Variants in RPLP0 observed in about 807,000 individuals in gnomAD.
RPLP0 encodes large ribosomal subunit protein uL10.
For missense variants in RPLP0, 276 were observed against 402.9 expected, an observed-to-expected ratio of 0.69 and a Z score of 2.70; for synonymous variants, 137 against 153.4, an observed-to-expected ratio of 0.89 and a Z score of 0.79.
At position 120,200,831 on chromosome 12, in the gene RPLP0, A is replaced by G. The variant is rs1879425543; in HGVS notation, c.-48T>C. On this transcript the variant is annotated splice_region_variant and 5_prime_UTR_variant, in exon 2 of 8. Transcript: ENST00000392514. ...CCACGCAGGGTTTAAAGACGATGTC[A>G]CTGAGGAGAGACAGGGAGCTCAGGC... 10 of 1,597,912 alleles carry G rather than the reference A, an allele frequency of 6.3e-6. No individual in the cohort carries two copies. The East Asian group carries it at 2.3e-4, about 36-fold the overall frequency.
chr12:120,200,377 C>A (rs1013151194), intron 2 of RPLP0: 7 of 323,224 alleles, frequency 2.2e-5, no homozygotes, highest in African/African-American at 1.5e-4. Flanking sequence ...GCAGGAGAAT[C>A]GCTTGAACCT....
At position 120,199,809 on chromosome 12, in the gene RPLP0, T is replaced by A. The variant is rs537995877; in HGVS notation, c.55-324A>T. ...TAAAAAAGGAATGTTCCAAGTAAGT[T>A]GGTCAAGAGGAGGGCTAGATTCACA... On this transcript the variant is annotated intron_variant, in intron 2 of 7. Transcript: ENST00000392514. 6 of 359,518 alleles carry A rather than the reference T, an allele frequency of 1.7e-5. No homozygotes were observed. The East Asian group carries it at 4.3e-4, about 26-fold the overall frequency. The allele number at this position is 359,518 out of a possible 1,614,324, so 22.3% of individuals were successfully genotyped here. A position where few individuals can be genotyped will look rare whatever the true frequency, so the allele number is the denominator to read the frequency against.
At position 120,198,640 on chromosome 12, in the gene RPLP0, T is replaced by A. The variant is rs1459697103; in HGVS notation, c.565A>T (p.Ile189Phe). Residue 189 changes from isoleucine to phenylalanine, a missense_variant, in exon 6 of 8, where the codon ATC becomes TTC. Ile to Phe is a conservative substitution (Grantham distance 21). Coordinates refer to ENST00000392514, the MANE Select transcript of RPLP0 (RefSeq NM_001002.4). This position sits in a 1 kb window ranked among gnomAD's most constrained non-coding sequence, Gnocchi z 4.1. ...CTGCCATTGTCGAACACCTGCTGGA[T>A]GACCAGCCCAAAGGAGAAGGGGGAG... The part of the protein sequence containing the change: ...NISPFSFGLV[I>F]QQVFDNGSIY... 1 of 1,614,090 alleles carries A rather than the reference T, an allele frequency of 6.2e-7. No individual in the cohort carries two copies. The highest frequency in any genetic ancestry group is 8.5e-7 in the Non-Finnish European group (1 of 1,180,028).
chr12:120,200,202 C>CA, intron 2 of RPLP0: 2 of 434,470 alleles, frequency 4.6e-6, no homozygotes, highest in Non-Finnish European at 9.3e-6. Flanking sequence ...CGGTGGCTCA[C>CA]ACCTGTAATC....
chr12:120,200,129 T>A (rs1879365184), intron 2 of RPLP0: 3 of 455,910 alleles, frequency 6.6e-6, no homozygotes, highest in South Asian at 4.6e-5. Flanking sequence ...TTCCTTACAA[T>A]GAGTCATTCC....
chr12:120,199,623 C>G (rs764298265), intron 2 of RPLP0, 138 bp from the exon 3 acceptor site: 4 of 867,734 alleles, frequency 4.6e-6, no homozygotes, highest in Admixed American at 5.2e-5. Flanking sequence ...AGATTGGGAG[C>G]TACGTTGTAA....
At chr12:120,200,393 G>A in intron 2 of RPLP0, 1 of 332,220 alleles carries the variant, frequency 3.0e-6, no homozygotes, top group South Asian at 2.6e-5. Flanking sequence ...AACCTGGGAA[G>A]CGGAGGTTGC....
intron 1 of RPLP0, 121 bp from the exon 2 acceptor site, chr12:120,200,952 C>G: frequency 7.9e-7 from 1 of 1,268,704 alleles, no homozygotes; most frequent in Non-Finnish European, 1.0e-6. Flanking sequence ...CGGCCGTCAT[C>G]TCGGGGCGTG....
In RPLP0 at chr12:120,198,878, G is replaced by A. The variant is rs781211506; in HGVS notation, c.441C>T (p.Ile147=). The change falls in exon 5 of 8, where the codon ATC becomes ATT. Residue 147 remains isoleucine (I), a synonymous_variant. Transcript: ENST00000392514. This position sits in a 1 kb window ranked among gnomAD's most constrained non-coding sequence, Gnocchi z 4.1. ...FFQALGITTK[I]SRGTIEILSD... is the part of the protein sequence containing the mutation. Reference sequence around the variant, plus strand: ...CCAGGATTTCAATGGTGCCCCTGGAGATTTTAGTGGTGATACCTAAAGCCT... The same window carrying A: ...CCAGGATTTCAATGGTGCCCCTGGAAATTTTAGTGGTGATACCTAAAGCCT... 1 of 1,614,144 alleles carries A rather than the reference G, an allele frequency of 6.2e-7. No homozygotes were observed. Among genetic ancestry groups the A allele is most frequent in the Non-Finnish European group, 8.5e-7 (1 of 1,179,972 alleles).
At chr12:120,200,246 T>C in intron 2 of RPLP0, 1 of 381,358 alleles carries the variant, frequency 2.6e-6, no homozygotes, top group Non-Finnish European at 5.2e-6. Flanking sequence ...AGGTGGATCA[T>C]GAAGTCAAGA....
At chr12:120,197,968 A>G (rs1879248034) in intron 6 of RPLP0, among the ~76,000 whole-genome samples, 2 of 152,034 alleles carry the variant, frequency 1.3e-5, no homozygotes, top group Admixed American at 6.6e-5. Flanking sequence ...TCACTCTGTC[A>G]CTCAGGCCGG....
chr12:120,199,395 C>G lies in RPLP0; in HGVS notation c.145G>C (p.Gly49Arg), dbSNP rs12580544. ...TTGCCCATCAGCACCACAGCCTTCC[C>G]GCGAAGGGACATGCGGATCTGCTGC... ...QMQQIRMSLR[G>R]KAVVLMGKNT... Residue 49 changes from glycine (G) to arginine (R), a missense_variant, in exon 3 of 8, where the codon GGG becomes CGG. Coordinates refer to ENST00000392514, the MANE Select transcript of RPLP0 (RefSeq NM_001002.4). 6.2e-7 allele frequency: 1 copy of G among 1,614,140 alleles called. No individual in the cohort carries two copies. Among genetic ancestry groups the G allele is most frequent in the Non-Finnish European group, 8.5e-7 (1 of 1,180,034 alleles).
chr12:120,197,916 T>C (rs981022305), intron 6 of RPLP0: 3 of 161,010 alleles, frequency 1.9e-5, no homozygotes, highest in Non-Finnish European at 2.7e-5. Context: ...ATCACTATTA[T>C]TCATTATTTA....
Position 120,201,089 on chromosome 12 carries a change from C to A in RPLP0, c.-55G>T. 2.7e-6 allele frequency: 1 copy of A among 364,388 alleles called. No homozygotes were observed. Among genetic ancestry groups the A allele is most frequent in the East Asian group, 4.4e-5 (1 of 22,654 alleles). 22.6% of individuals were successfully genotyped at this position (364,388 alleles called of 1,614,324 possible). ...ATCTAACTAGCACACGAACCTTCCACGAGGACGCCTGGCGAGAGAAGGGCC... is the reference window on the plus strand; with the variant it reads ...ATCTAACTAGCACACGAACCTTCCAAGAGGACGCCTGGCGAGAGAAGGGCC... On this transcript the variant is annotated 5_prime_UTR_variant, in exon 1 of 8. Coordinates refer to ENST00000392514, the MANE Select transcript of RPLP0 (RefSeq NM_001002.4).
At chr12:120,197,036 C>T (rs998298940) in intron 7 of RPLP0, 102 bp from the exon 8 acceptor site, 34 of 1,559,230 alleles carry the variant, frequency 2.2e-5, no homozygotes, top group Admixed American at 5.3e-5. Context: ...TATCAAAGTC[C>T]GTGTGAAGCC....
rs1879449251 is a variant in RPLP0 at position 120,201,094 on chromosome 12, AC to A, written c.-61del. 2.8e-6 allele frequency: 1 copy of A among 359,786 alleles called. No homozygotes were observed. The highest frequency in any genetic ancestry group is 4.6e-5 in the Admixed American group (1 of 21,524). 22.3% of individuals were successfully genotyped at this position (359,786 alleles called of 1,614,324 possible). ...ACTAGCACACGAACCTTCCACGAGG[AC>A]GCCTGGCGAGAGAAGGGCCTCGCGC... On this transcript the variant is annotated 5_prime_UTR_variant, in exon 1 of 8. Coordinates refer to ENST00000392514, the MANE Select transcript of RPLP0 (RefSeq NM_001002.4).
In RPLP0 at chr12:120,200,749, T is replaced by A; in HGVS notation, c.35A>T (p.Asn12Ile). The change falls in exon 2 of 8, where the codon AAC becomes ATC. Residue 12 changes from asparagine (N) to isoleucine (I), a missense_variant. Transcript: ENST00000392514. ...ACTTACGATGATCTTAAGGAAGTAG[T>A]TGGACTTCCAGGTCGCCCTGTCTTC... ...PREDRATWKS[N>I]YFLKIIQLLD... The A allele has an allele frequency of 1.9e-6, 3 of 1,611,626 alleles. No homozygotes were observed. Among genetic ancestry groups the A allele is most frequent in the Non-Finnish European group, 2.5e-6 (3 of 1,179,278 alleles).
At chr12:120,200,469 A>C in intron 2 of RPLP0, 1 of 453,212 alleles carries the variant, frequency 2.2e-6, no homozygotes, top group Non-Finnish European at 3.9e-6. Context: ...TTTAAAAAAA[A>C]AAAAGTATAA....
At chr12:120,200,223 G>A in intron 2 of RPLP0, 1 of 401,322 alleles carries the variant, frequency 2.5e-6, no homozygotes, top group South Asian at 1.8e-5. Flanking sequence ...CTAGCACTTA[G>A]GGAGGCCGAG....
Sources: allele counts gnomAD v4.1 joint callset (sites outside exome capture counted in the v4.1 genomes callset), GRCh38; gene constraint gnomAD v4.1.1; non-coding constraint Gnocchi (gnomAD v3.1); transcripts MANE v1.5; gene names NCBI Gene and HGNC (gene_info 2026-07-23, HGNC 2026-07-21).